DLGAP2: variants seen among roughly 807,000 people sequenced by gnomAD.
The protein encoded by DLGAP2 is disks large-associated protein 2.
In DLGAP2, 26 loss-of-function variants were observed where a neutral mutation model predicts 100.3. That is an observed-to-expected ratio of 0.26 (90% CI 0.19 to 0.36). DLGAP2 has a LOEUF of 0.36. DLGAP2 is among the 10% of genes least tolerant of loss of function. DLGAP2 has a pLI of 1.00. For synonymous variants in DLGAP2, 886 were observed against 630.1 expected, an observed-to-expected ratio of 1.41 and a Z score of -6.08; for missense variants, 1,858 against 1,453.2, an observed-to-expected ratio of 1.28 and a Z score of -4.53.
intron 13 of DLGAP2, among the ~76,000 whole-genome samples, chr8:1,693,731 C>A (rs1271808283): frequency 3.9e-5 from 6 of 152,142 alleles, no homozygotes; most frequent in Non-Finnish European, 1.5e-5. Context: ...CACTGAAGTT[C>A]ACGGCGATTT....
intron 6 of DLGAP2, among the ~76,000 whole-genome samples, chr8:1,592,143 C>T (rs553359334): frequency 2.0e-5 from 3 of 152,334 alleles, no homozygotes; most frequent in African/African-American, 7.2e-5. Flanking sequence ...CCAGCACACG[C>T]CCGCCCAGGC....
At chr8:896,523 A>G (rs1185041488) in intron 1 of DLGAP2, among the ~76,000 whole-genome samples, 2 of 152,100 alleles carry the variant, frequency 1.3e-5, no homozygotes, top group African/African-American at 2.4e-5. Context: ...GTCCCCCCAA[A>G]TTCCTATGTT....
At chr8:869,107 C>A (rs951241996) in intron 1 of DLGAP2, among the ~76,000 whole-genome samples, 2 of 152,180 alleles carry the variant, frequency 1.3e-5, no homozygotes, top group Non-Finnish European at 2.9e-5. Flanking sequence ...TCCTCTCCTC[C>A]TCGAGACCCT....
chr8:1,028,734 T>C (rs183531371), intron 2 of DLGAP2, among the ~76,000 whole-genome samples: 4 of 152,298 alleles, frequency 2.6e-5, no homozygotes, highest in Admixed American at 2.0e-4. Context: ...CTGTCAACCA[T>C]GGCGGGGAAT....
At chr8:1,444,362 T>C (rs968369945) in intron 3 of DLGAP2, among the ~76,000 whole-genome samples, 3 of 152,220 alleles carry the variant, frequency 2.0e-5, no homozygotes, top group African/African-American at 4.8e-5. Flanking sequence ...CACTACCAAA[T>C]ACTCAAATTG....
chr8:1,558,936 A>G (rs1584926305), intron 5 of DLGAP2, among the ~76,000 whole-genome samples: 3 of 152,326 alleles, frequency 2.0e-5, no homozygotes, highest in Admixed American at 1.3e-4. Context: ...GTGGGAACGC[A>G]CAGCAATGGA....
intron 1 of DLGAP2, among the ~76,000 whole-genome samples, chr8:747,395 C>G (rs572085552): frequency 6.6e-6 from 1 of 151,894 alleles, no homozygotes; most frequent in East Asian, 2.0e-4. Flanking sequence ...GCTTCTCCGC[C>G]GGGCCTCGCT....
At chr8:1,521,976 C>T (rs1800616069) in intron 4 of DLGAP2, among the ~76,000 whole-genome samples, 1 of 139,918 alleles carries the variant, frequency 7.1e-6, no homozygotes, top group Non-Finnish European at 1.5e-5. Context: ...TATGGGGCGT[C>T]TCTGGTTTGC....
At chr8:1,299,383 T>G (rs980059925) in intron 3 of DLGAP2, among the ~76,000 whole-genome samples, 1 of 152,236 alleles carries the variant, frequency 6.6e-6, no homozygotes, top group East Asian at 1.9e-4. Context: ...CAGATTCTCA[T>G]GGCCCTTCTT....
At chr8:951,030 A>G (rs1435301944) in intron 2 of DLGAP2, among the ~76,000 whole-genome samples, 2 of 152,168 alleles carry the variant, frequency 1.3e-5, no homozygotes, top group Non-Finnish European at 1.5e-5. Flanking sequence ...TATTTTGTTT[A>G]TATTTTCTTC....
chr8:912,971 C>T (rs1798519342), intron 2 of DLGAP2, among the ~76,000 whole-genome samples: 1 of 152,236 alleles, frequency 6.6e-6, no homozygotes, highest in Admixed American at 6.5e-5. Context: ...TTGCTGTGTG[C>T]TTTCTGCAGG....
At chr8:936,718 TGGGCACTTA>T (rs2129004445) in intron 2 of DLGAP2, among the ~76,000 whole-genome samples, 1 of 152,264 alleles carries the variant, frequency 6.6e-6, no homozygotes, top group South Asian at 2.1e-4. Flanking sequence ...TAGTTGCTGT[TGGGCACTTA>T]GGGTACAGCA....
chr8:1,205,318 G>A (rs775879220), intron 2 of DLGAP2, among the ~76,000 whole-genome samples: 16 of 152,282 alleles, frequency 1.1e-4, no homozygotes, highest in Admixed American at 5.9e-4. Context: ...CTGAGGCGAC[G>A]GGCAGCCTGT....
At position 1,549,255 on chromosome 8, in the gene DLGAP2, C is replaced by G; in HGVS notation, c.802C>G (p.His268Asp). The change falls in exon 5 of 15, where the codon CAC becomes GAC. Residue 268 changes from histidine to aspartate, a missense_variant. Physicochemically the swap from His to Asp is moderately conservative, Grantham distance 81. Transcript: ENST00000637795. ...KADGRADDHHHAHHAKHSKRS... is the reference protein window; with the variant it reads ...KADGRADDHHDAHHAKHSKRS... The stretch of plus-strand genomic sequence containing the variant: ...GGACGGCCGGGCGGACGACCACCAC[C>G]ACGCCCACCACGCCAAGCACAGCAA... The G allele has an allele frequency of 6.2e-7, 1 of 1,609,950 alleles. No homozygotes were observed. Among genetic ancestry groups the G allele is most frequent in the African/African-American group, 1.3e-5 (1 of 75,008 alleles).
intron 2 of DLGAP2, among the ~76,000 whole-genome samples, chr8:1,253,842 G>T (rs1239248796): frequency 1.3e-5 from 2 of 152,198 alleles, no homozygotes; most frequent in Non-Finnish European, 2.9e-5. Context: ...GTTCCTTGGG[G>T]AAGAATTCAT....
intron 2 of DLGAP2, among the ~76,000 whole-genome samples, chr8:1,150,165 C>T (rs1054913560): frequency 3.9e-5 from 6 of 152,126 alleles, no homozygotes; most frequent in African/African-American, 1.2e-4. Flanking sequence ...TGAATCTCTT[C>T]GAAGAAAATT....
intron 2 of DLGAP2, among the ~76,000 whole-genome samples, chr8:995,663 C>T (rs1800764235): frequency 6.6e-6 from 1 of 152,192 alleles, no homozygotes; most frequent in Non-Finnish European, 1.5e-5. Flanking sequence ...AGATGGCTAA[C>T]ACACCAGAAA....
intron 2 of DLGAP2, among the ~76,000 whole-genome samples, chr8:1,170,862 G>T (rs1408368626): frequency 1.4e-5 from 2 of 145,618 alleles, no homozygotes; most frequent in Non-Finnish European, 3.0e-5. Flanking sequence ...TTTTTGAAGG[G>T]TTTTTTGTGT....
chr8:1,409,760 G>A (rs1563129213), intron 3 of DLGAP2, among the ~76,000 whole-genome samples: 1 of 152,118 alleles, frequency 6.6e-6, no homozygotes, highest in Non-Finnish European at 1.5e-5. Flanking sequence ...AGGAAGGGAG[G>A]ACCTCCTCTC....
Sources: gnomAD v4.1 joint callset for allele counts (sites outside exome capture counted in the v4.1 genomes callset) on GRCh38, gnomAD v4.1.1 for gene constraint, MANE v1.5 for transcripts, NCBI Gene and HGNC (gene_info 2026-07-23, HGNC 2026-07-21) for gene names.